GRIN2D: variants seen among roughly 807,000 people sequenced by gnomAD.
GRIN2D encodes glutamate ionotropic receptor NMDA type subunit 2D, also known as glutamate receptor ionotropic, NMDA 2D.
A neutral mutation model predicts 103.2 loss-of-function variants in GRIN2D; 37 were observed. The ratio of observed to expected loss-of-function variants is 0.36; its 90% confidence interval spans 0.28 to 0.47. The LOEUF (loss-of-function observed/expected upper bound fraction) is 0.47. Ranked by LOEUF, GRIN2D falls within the 20% of genes least tolerant of loss-of-function variation. The pLI is 1.00. For missense variants in GRIN2D, 1,557 were observed against 1,910.6 expected (o/e 0.81, Z 3.45); for synonymous variants, 845 against 885.6 (o/e 0.95, Z 0.81).
At chr19:48,419,992 A>C (rs1971000452) in intron 10 of GRIN2D, among the ~76,000 whole-genome samples, 178 bp downstream of exon 10, 2 of 151,966 alleles carry the variant, frequency 1.3e-5, no homozygotes, top group South Asian at 4.1e-4. Context: ...AATGTTGTGG[A>C]TGAAGAAAGA....
chr19:48,418,654 G>T (rs1449479909), intron 8 of GRIN2D, among the ~76,000 whole-genome samples: 1 of 152,088 alleles, frequency 6.6e-6, no homozygotes, highest in African/African-American at 2.4e-5. Flanking sequence ...GCTGTGGCCA[G>T]CGAGGGAGAA....
At position 48,405,454 on chromosome 19, in the gene GRIN2D, T is replaced by C; in HGVS notation, c.1085+101T>C. ...GCTCAAATGGGCCACATCTGCTCTT[T>C]GAGCCTCAGTTTTCTTTTCTGTAAA... On this transcript the variant is annotated intron_variant, in intron 4 of 13. Transcript: ENST00000263269. This position sits in a 1 kb window ranked among gnomAD's most constrained non-coding sequence, Gnocchi z 5.1. 6 of 1,196,886 alleles carry C rather than the reference T, an allele frequency of 5.0e-6. No individual in the cohort carries two copies. Among genetic ancestry groups the C allele is most frequent in the Non-Finnish European group, 5.6e-6 (5 of 895,610 alleles). 74.1% of individuals were successfully genotyped at this position (1,196,886 alleles called of 1,614,324 possible).
At chr19:48,428,552 G>T (rs1569069190) in intron 11 of GRIN2D, among the ~76,000 whole-genome samples, 1 of 151,758 alleles carries the variant, frequency 6.6e-6, no homozygotes, top group Admixed American at 6.6e-5. Context: ...TAGTAGAGAC[G>T]GAGTTTCACC....
At position 48,444,486 on chromosome 19, in the gene GRIN2D, C is replaced by A. The variant is rs1434034613; in HGVS notation, c.*549C>A. The stretch of plus-strand genomic sequence containing the variant: ...TCCGACTCCAGACTGTGACCCCTGA[C>A]CCCAAACTGTGACCCGAACCCCAGA... On this transcript the variant is annotated 3_prime_UTR_variant, in exon 14 of 14. Coordinates refer to ENST00000263269, the MANE Select transcript of GRIN2D (RefSeq NM_000836.4). The surrounding 1 kb of genome is among the most constrained non-coding windows in gnomAD (Gnocchi z 5.5). The A allele has an allele frequency of 6.5e-6, 1 of 152,758 alleles. No individual in the cohort carries two copies. Among genetic ancestry groups the A allele is most frequent in the African/African-American group, 2.4e-5 (1 of 41,398 alleles). 9.5% of individuals were successfully genotyped at this position (152,758 alleles called of 1,614,324 possible). A position where few individuals can be genotyped will look rare whatever the true frequency, so the allele number is the denominator to read the frequency against.
At position 48,444,091 on chromosome 19, in the gene GRIN2D, A is replaced by T; in HGVS notation, c.*154A>T. 2.1e-6 allele frequency: 1 copy of T among 465,784 alleles called. No individual in the cohort carries two copies. Among genetic ancestry groups the T allele is most frequent in the Non-Finnish European group, 3.7e-6 (1 of 272,734 alleles). 28.9% of individuals were successfully genotyped at this position (465,784 alleles called of 1,614,324 possible). ...AGCGTCCTGCGCCCCCTGGTTCTGG[A>T]GGAACCGCAAGCCGGAGAGGATTTG... On this transcript the variant is annotated 3_prime_UTR_variant, in exon 14 of 14. Transcript: ENST00000263269. This position sits in a 1 kb window ranked among gnomAD's most constrained non-coding sequence, Gnocchi z 5.5.
In GRIN2D at chr19:48,415,994, C is replaced by T. The variant is rs1970943022; in HGVS notation, c.1582-8C>T. On this transcript the variant is annotated splice_polypyrimidine_tract_variant and splice_region_variant and intron_variant, in intron 7 of 13. Coordinates refer to ENST00000263269, the MANE Select transcript of GRIN2D (RefSeq NM_000836.4). ...TCCCCCGCCCACTCCTCATCGCCCC[C>T]ACCCCAGGTGTTCTACCAGCGCGCA... 1 of 1,612,200 alleles carries T rather than the reference C, an allele frequency of 6.2e-7. No homozygotes were observed. The highest frequency in any genetic ancestry group is 8.5e-7 in the Non-Finnish European group (1 of 1,179,088).
intron 10 of GRIN2D, among the ~76,000 whole-genome samples, chr19:48,420,105 T>G (rs2147456271): frequency 6.6e-6 from 1 of 152,190 alleles, no homozygotes; most frequent in African/African-American, 2.4e-5. Flanking sequence ...AACCAGTGCT[T>G]CTCTCAAACT....
intron 9 of GRIN2D, 109 bp downstream of exon 9, chr19:48,419,468 C>A: frequency 2.1e-6 from 3 of 1,413,748 alleles, no homozygotes; most frequent in South Asian, 1.3e-5. Context: ...TAGGGCCTCT[C>A]GGGAGGTGCC....
In GRIN2D at chr19:48,414,931, C is replaced by A; in HGVS notation, c.1480C>A (p.Arg494=). Reference sequence around the variant, plus strand: ...GGGTTTCTGCATCGACATTCTGAAGCGGCTGGCGCATACCATCGGCTTCAG... The same window carrying A: ...GGGTTTCTGCATCGACATTCTGAAGAGGCTGGCGCATACCATCGGCTTCAG... The part of the protein sequence containing the change: ...CKGFCIDILK[R]LAHTIGFSYD... The change falls in exon 7 of 14, where the codon CGG becomes AGG. Residue 494 remains arginine (R), a synonymous_variant. Coordinates refer to ENST00000263269, the MANE Select transcript of GRIN2D (RefSeq NM_000836.4). The surrounding 1 kb of genome is among the most constrained non-coding windows in gnomAD (Gnocchi z 4.6). 1 of 1,614,068 alleles carries A rather than the reference C, an allele frequency of 6.2e-7. No homozygotes were observed. The highest frequency in any genetic ancestry group is 8.5e-7 in the Non-Finnish European group (1 of 1,179,990).
rs1435910490 is a variant in GRIN2D at position 48,393,972 on chromosome 19, C to G, written c.-306+104C>G. Reference sequence around the variant, plus strand: ...GAGGGAGGGGTCTGTCTGTCTGTACCGACCCTGAGCTGCCTGCCTGGGTGT... The same window carrying G: ...GAGGGAGGGGTCTGTCTGTCTGTACGGACCCTGAGCTGCCTGCCTGGGTGT... On this transcript the variant is annotated intron_variant, in intron 1 of 13. Transcript: ENST00000263269. This position sits in a 1 kb window ranked among gnomAD's most constrained non-coding sequence, Gnocchi z 5.6. Among the ~76,000 whole-genome samples, 5 of 151,866 alleles carry G rather than the reference C, an allele frequency of 3.3e-5. No individual in the cohort carries two copies. Among genetic ancestry groups the G allele is most frequent in the African/African-American group, 1.2e-4 (5 of 41,352 alleles).
Position 48,443,725 on chromosome 19 carries a change from C to T in GRIN2D, c.3799C>T (p.Pro1267Ser). Reference sequence around the variant, plus strand: ...GGGCTGGGACCTCCCGCCGCCCGCGCCCACCTCGCGCTCGCTCGAGGACCT... The same window carrying T: ...GGGCTGGGACCTCCCGCCGCCCGCGTCCACCTCGCGCTCGCTCGAGGACCT... ...AGGWDLPPPA[P>S]TSRSLEDLSS... Residue 1267 changes from proline to serine, a missense_variant, in exon 14 of 14, where the codon CCC (proline) becomes TCC (serine). Pro to Ser is a moderately conservative substitution (Grantham distance 74, BLOSUM62 -1). Transcript: ENST00000263269. This position sits in a 1 kb window ranked among gnomAD's most constrained non-coding sequence, Gnocchi z 8.9. The T allele has an allele frequency of 7.5e-7, 1 of 1,334,466 alleles. No homozygotes were observed. Among genetic ancestry groups the T allele is most frequent in the Non-Finnish European group, 9.6e-7 (1 of 1,044,546 alleles). 82.7% of individuals were successfully genotyped at this position (1,334,466 alleles called of 1,614,324 possible). A position where few individuals can be genotyped will look rare whatever the true frequency, so the allele number is the denominator to read the frequency against.
intron 11 of GRIN2D, among the ~76,000 whole-genome samples, chr19:48,441,362 CAAAAA>C (rs1173219939): frequency 7.9e-6 from 1 of 127,322 alleles, no homozygotes; most frequent in Non-Finnish European, 1.6e-5. Flanking sequence ...GACTCTGTCT[CAAAAA>C]AAAAAAAAAA....
At chr19:48,428,391 A>G (rs144428092) in intron 11 of GRIN2D, among the ~76,000 whole-genome samples, 1,310 of 77,924 alleles carry the variant, frequency 0.017, 14 homozygotes, top group African/African-American at 0.063. Context: ...ACGGACTTTC[A>G]CTCTTGTTGC....
chr19:48,399,193 GA>G (rs1970680731), intron 3 of GRIN2D, among the ~76,000 whole-genome samples: 1 of 152,154 alleles, frequency 6.6e-6, no homozygotes. Flanking sequence ...TAGGGGCTGG[GA>G]ACGAAAAGGG....
chr19:48,432,785 T>C (rs1971173796), intron 11 of GRIN2D, among the ~76,000 whole-genome samples: 1 of 151,216 alleles, frequency 6.6e-6, no homozygotes, highest in African/African-American at 2.4e-5. Context: ...TTTTTTTTTT[T>C]TTTATTTCAT....
chr19:48,435,177 G>A (rs1179755143), intron 11 of GRIN2D, among the ~76,000 whole-genome samples: 1 of 152,068 alleles, frequency 6.6e-6, no homozygotes, highest in Non-Finnish European at 1.5e-5. Flanking sequence ...GGCAGTGATG[G>A]CTCCTTTTGA....
intron 11 of GRIN2D, among the ~76,000 whole-genome samples, chr19:48,426,221 TTTC>T (rs1009658357): frequency 5.5e-5 from 8 of 144,646 alleles, no homozygotes; most frequent in Non-Finnish European, 7.4e-5. Flanking sequence ...TCTTTCTTTC[TTTC>T]TTTTTTTTTT....
intron 11 of GRIN2D, among the ~76,000 whole-genome samples, chr19:48,433,390 A>G (rs1435608460): frequency 9.2e-5 from 14 of 152,102 alleles, no homozygotes; most frequent in Admixed American, 9.2e-4. Context: ...AAAATAAAGA[A>G]TAAATAAATA....
intron 8 of GRIN2D, among the ~76,000 whole-genome samples, 171 bp from the exon 9 acceptor site, chr19:48,419,063 T>A (rs909717016): frequency 1.3e-5 from 2 of 151,364 alleles, no homozygotes. Context: ...TTTTTTTTTT[T>A]TGTAGAGACA....
Sources: gnomAD v4.1 joint callset for allele counts (sites outside exome capture counted in the v4.1 genomes callset) on GRCh38, gnomAD v4.1.1 for gene constraint, Gnocchi (gnomAD v3.1) non-coding constraint, MANE v1.5 for transcripts, NCBI Gene and HGNC (gene_info 2026-07-23, HGNC 2026-07-21) for gene names.